The following DPP6 variants were observed in gnomAD, a reference collection of about 807,000 sequenced individuals.
DPP6 encodes A-type potassium channel modulatory protein DPP6.
A neutral mutation model predicts 122.6 loss-of-function variants in DPP6; 69 were observed. That is an observed-to-expected ratio of 0.56 (90% CI 0.46 to 0.69). The LOEUF is 0.69. DPP6 is among the 30% of genes least tolerant of loss of function. DPP6 has a pLI of 0.00. For missense variants in DPP6, 928 were observed against 1,116.9 expected, an observed-to-expected ratio of 0.83 and a Z score of 2.41; for synonymous variants, 418 against 433.1, an observed-to-expected ratio of 0.97 and a Z score of 0.43.
intron 1 of DPP6, among the ~76,000 whole-genome samples, chr7:154,362,402 A>G (rs919233297): frequency 1.1e-4 from 16 of 152,136 alleles, no homozygotes; most frequent in African/African-American, 3.9e-4. Flanking sequence ...CCTCCCTAGC[A>G]ATAGAGTTTT....
At chr7:154,110,931 T>C (rs1806525695) in intron 1 of DPP6, among the ~76,000 whole-genome samples, 1 of 151,662 alleles carries the variant, frequency 6.6e-6, no homozygotes, top group South Asian at 2.1e-4. Flanking sequence ...GGATAAAGGA[T>C]AGTTAGGAAA....
chr7:154,575,358 G>T (rs1831527240), intron 5 of DPP6, among the ~76,000 whole-genome samples: 1 of 103,484 alleles, frequency 9.7e-6, no homozygotes, highest in Non-Finnish European at 2.0e-5. Flanking sequence ...TGTGTGGTGT[G>T]TGTGTGATGT....
At chr7:154,231,318 G>A (rs1800904759) in intron 1 of DPP6, among the ~76,000 whole-genome samples, 1 of 152,138 alleles carries the variant, frequency 6.6e-6, no homozygotes, top group African/African-American at 2.4e-5. Context: ...CTGGGCTATT[G>A]TGAATGGGAA....
intron 1 of DPP6, among the ~76,000 whole-genome samples, chr7:154,107,889 G>T (rs1806288744): frequency 6.6e-6 from 1 of 152,070 alleles, no homozygotes; most frequent in Non-Finnish European, 1.5e-5. Context: ...CAGCCTCAGG[G>T]GCCCTTCACA....
At chr7:154,343,495 G>C (rs946274158) in intron 1 of DPP6, among the ~76,000 whole-genome samples, 2 of 152,232 alleles carry the variant, frequency 1.3e-5, no homozygotes, top group African/African-American at 4.8e-5. Flanking sequence ...TGCACATGTA[G>C]GATTGTTGTC....
At chr7:153,763,001 T>C in the DPP6 span, among the ~76,000 whole-genome samples, 1 of 152,118 alleles carries the variant, frequency 6.6e-6, no homozygotes, top group Non-Finnish European at 1.5e-5. Flanking sequence ...CTGTATAAGA[T>C]ACTAGACTGA....
At chr7:153,774,602 A>T in the DPP6 span, among the ~76,000 whole-genome samples, 4 of 151,900 alleles carry the variant, frequency 2.6e-5, no homozygotes, top group Non-Finnish European at 5.9e-5. Flanking sequence ...TTGAAGGAAT[A>T]GTTAATATTC....
intron 16 of DPP6, among the ~76,000 whole-genome samples, chr7:154,826,032 G>A (rs1800119477): frequency 6.6e-6 from 1 of 152,192 alleles, no homozygotes; most frequent in Admixed American, 6.5e-5. Flanking sequence ...AATCAGTCCA[G>A]AAGGGAATTA....
chr7:154,744,527 G>A (rs927597234), intron 8 of DPP6, among the ~76,000 whole-genome samples: 4 of 152,224 alleles, frequency 2.6e-5, no homozygotes, highest in African/African-American at 7.2e-5. Context: ...TTCGCAGTGT[G>A]TGATATGCAA....
chr7:154,300,261 G>A (rs1805819275), intron 1 of DPP6, among the ~76,000 whole-genome samples: 1 of 152,210 alleles, frequency 6.6e-6, no homozygotes, highest in Non-Finnish European at 1.5e-5. Context: ...CGTCTTGGCT[G>A]AGCATCAGGC....
intron 1 of DPP6, among the ~76,000 whole-genome samples, chr7:154,041,490 C>G (rs1326409320): frequency 1.3e-5 from 2 of 152,226 alleles, no homozygotes; most frequent in Admixed American, 6.5e-5. Flanking sequence ...ATTGGCCTCT[C>G]TTAGCATGCT....
At chr7:154,521,374 T>C (rs886310667) in intron 3 of DPP6, among the ~76,000 whole-genome samples, 10 of 152,256 alleles carry the variant, frequency 6.6e-5, no homozygotes, top group Non-Finnish European at 8.8e-5. Flanking sequence ...ATTGTTTTTT[T>C]TTTTTTCCTT....
intron 6 of DPP6, among the ~76,000 whole-genome samples, chr7:154,665,520 C>A (rs559118636): frequency 2.0e-5 from 3 of 152,120 alleles, no homozygotes; most frequent in South Asian, 4.2e-4. Context: ...TTCTGGTTTC[C>A]TAAAATATTC....
chr7:154,689,151 G>T (rs1425690175), intron 7 of DPP6, among the ~76,000 whole-genome samples: 1 of 152,184 alleles, frequency 6.6e-6, no homozygotes, highest in Non-Finnish European at 1.5e-5. Flanking sequence ...TAGTGAAGAT[G>T]CAACCCTCGC....
chr7:153,755,786 A>G, the DPP6 span, among the ~76,000 whole-genome samples: 13 of 151,998 alleles, frequency 8.6e-5, no homozygotes, highest in Admixed American at 1.3e-4. Flanking sequence ...GTCCTCTTCA[A>G]GACTTTATAT....
chr7:154,416,526 T>G (rs1817031315), intron 1 of DPP6, among the ~76,000 whole-genome samples: 1 of 152,164 alleles, frequency 6.6e-6, no homozygotes, highest in African/African-American at 2.4e-5. Context: ...TATTATTAAT[T>G]CTAAAAATAA....
chr7:154,388,167 G>A (rs1814285715), intron 1 of DPP6, among the ~76,000 whole-genome samples: 1 of 152,106 alleles, frequency 6.6e-6, no homozygotes, highest in Admixed American at 6.5e-5. Flanking sequence ...GCTGGATGTG[G>A]TGGTGCACAC....
the DPP6 span, among the ~76,000 whole-genome samples, chr7:153,768,044 C>CA: frequency 1.3e-5 from 2 of 151,142 alleles, no homozygotes; most frequent in African/African-American, 4.9e-5. Context: ...GGGTTGCAGA[C>CA]AAAAAAGTGT....
rs146683070 is a variant in DPP6 at position 154,313,684 on chromosome 7, G to GGTGTGTGTGTGTGTGT, written c.244-132528_244-132527insGTGTGTGTGTGTGTGT. On this transcript the variant is annotated intron_variant, in intron 1 of 25. Transcript: ENST00000377770. ...GAAGCAACAAGATATTTTAAGATAT[G>GGTGTGTGTGTGTGTGT]GTATATATATATATATATATATATA... 2.2e-3 allele frequency among the ~76,000 whole-genome samples: 54 copies of GGTGTGTGTGTGTGTGT among 25,094 alleles called. 2 individuals carry two copies. Among genetic ancestry groups the GGTGTGTGTGTGTGTGT allele is most frequent in the African/African-American group, 5.4e-3 (28 of 5,172 alleles). 16.5% of individuals were successfully genotyped at this position (25,094 alleles called of 152,430 possible). A position where few individuals can be genotyped will look rare whatever the true frequency, so the allele number is the denominator to read the frequency against.
Sources: allele counts gnomAD v4.1 joint callset (sites outside exome capture counted in the v4.1 genomes callset), GRCh38; gene constraint gnomAD v4.1.1; transcripts MANE v1.5; gene names NCBI Gene and HGNC (gene_info 2026-07-23, HGNC 2026-07-21).